ATG10: variants seen among roughly 807,000 people sequenced by gnomAD.
ATG10 encodes the protein autophagy related 10.
Under a neutral mutation model 32.1 loss-of-function variants are expected in ATG10, and 30 were observed. The observed-to-expected ratio is 0.94, with a 90% CI of 0.70 to 1.27. The LOEUF (loss-of-function observed/expected upper bound fraction) is 1.27. Ranked by LOEUF, ATG10 falls within the 50% of genes most tolerant of loss-of-function variation. The pLI is 0.00. For synonymous variants in ATG10, 87 were observed against 91.5 expected, an observed-to-expected ratio of 0.95 and a Z score of 0.28; for missense variants, 233 against 262.3, an observed-to-expected ratio of 0.89 and a Z score of 0.77.
chr5:82,026,629 T>C (rs1762601987), intron 2 of ATG10, among the ~76,000 whole-genome samples: 2 of 152,230 alleles, frequency 1.3e-5, no homozygotes, highest in South Asian at 4.1e-4. Context: ...TAGCCAAAGT[T>C]ACATTCTTGA....
intron 2 of ATG10, among the ~76,000 whole-genome samples, chr5:82,018,390 C>T (rs1762343827): frequency 6.6e-6 from 1 of 152,172 alleles, no homozygotes; most frequent in African/African-American, 2.4e-5. Context: ...TCAACTCTTA[C>T]TAGGATTACC....
At chr5:82,170,233 C>T (rs1268658619) in intron 4 of ATG10, among the ~76,000 whole-genome samples, 1 of 151,994 alleles carries the variant, frequency 6.6e-6, no homozygotes, top group Admixed American at 6.5e-5. Flanking sequence ...ATGGAAAAAA[C>T]ATCTCTTTGC....
At chr5:82,229,490 T>G (rs1472144285) in intron 5 of ATG10, among the ~76,000 whole-genome samples, 1 of 152,236 alleles carries the variant, frequency 6.6e-6, no homozygotes, top group East Asian at 1.9e-4. Context: ...TTGGGCAAGT[T>G]TCATGTCAGT....
intron 3 of ATG10, among the ~76,000 whole-genome samples, chr5:82,159,596 G>T (rs2149893428): frequency 6.6e-6 from 1 of 152,010 alleles, no homozygotes; most frequent in East Asian, 1.9e-4. Flanking sequence ...CCTTAAAGTA[G>T]ATAGAACAGT....
intron 2 of ATG10, among the ~76,000 whole-genome samples, chr5:82,027,640 T>G (rs996907242): frequency 6.6e-6 from 1 of 152,238 alleles, no homozygotes; most frequent in Non-Finnish European, 1.5e-5. Context: ...TTCCTTACAC[T>G]TAAAAAATAC....
At chr5:82,249,173 C>T (rs563927951) in intron 5 of ATG10, among the ~76,000 whole-genome samples, 1 of 151,978 alleles carries the variant, frequency 6.6e-6, no homozygotes, top group Admixed American at 6.5e-5. Flanking sequence ...TTTGAAGTAC[C>T]TAAACTTTTA....
chr5:82,160,356 T>C (rs1412272693), intron 3 of ATG10, among the ~76,000 whole-genome samples: 1 of 152,208 alleles, frequency 6.6e-6, no homozygotes, highest in Non-Finnish European at 1.5e-5. Context: ...TCTCAATTGT[T>C]TGTTCCTTTT....
intron 3 of ATG10, among the ~76,000 whole-genome samples, chr5:82,074,374 C>CT (rs994397645): frequency 3.9e-5 from 6 of 152,022 alleles, no homozygotes; most frequent in Admixed American, 1.3e-4. Context: ...TATAAAACCC[C>CT]TTTTTTCTTT....
At chr5:81,982,450 AAAAAC>A (rs965216647) in intron 1 of ATG10, among the ~76,000 whole-genome samples, 35 of 152,234 alleles carry the variant, frequency 2.3e-4, no homozygotes, top group Non-Finnish European at 3.5e-4. Context: ...TCCGTCTCCA[AAAAAC>A]AAAACAAAAC....
chr5:82,082,074 C>T (rs1764501452), intron 3 of ATG10, among the ~76,000 whole-genome samples: 1 of 152,262 alleles, frequency 6.6e-6, no homozygotes, highest in African/African-American at 2.4e-5. Flanking sequence ...AGACCTGCCT[C>T]CATAATTCAG....
intron 5 of ATG10, among the ~76,000 whole-genome samples, chr5:82,225,617 C>G (rs1360888567): frequency 6.6e-6 from 1 of 152,200 alleles, no homozygotes; most frequent in African/African-American, 2.4e-5. Flanking sequence ...TGTAACAGGG[C>G]TACTGGCTAT....
chr5:82,007,909 T>C lies in ATG10; in HGVS notation c.108+20231T>C, dbSNP rs533693835. On this transcript the variant is annotated intron_variant, in intron 2 of 7. Coordinates refer to ENST00000282185, the MANE Select transcript of ATG10 (RefSeq NM_031482.5). ...ATTAAGTATCCACTTAAAATTTTAA[T>C]CTTTATAAAGACAATATGCTTATAT... Among the ~76,000 whole-genome samples the C allele has an allele frequency of 1.6e-4, 24 of 152,356 alleles. No homozygotes were observed. The South Asian group carries it at 4.1e-3, about 26-fold the overall frequency.
At chr5:82,042,717 A>G (rs1208457537) in intron 2 of ATG10, among the ~76,000 whole-genome samples, 2 of 152,198 alleles carry the variant, frequency 1.3e-5, no homozygotes, top group Non-Finnish European at 2.9e-5. Context: ...TCCCCATGCA[A>G]GTCTGAAACC....
chr5:82,118,434 C>T (rs2149823358), intron 3 of ATG10, among the ~76,000 whole-genome samples: 1 of 84,810 alleles, frequency 1.2e-5, no homozygotes, highest in African/African-American at 5.2e-5. Flanking sequence ...GCACCTGACC[C>T]AGTGTCTGGC....
intron 5 of ATG10, among the ~76,000 whole-genome samples, chr5:82,208,021 A>G (rs1383504172): frequency 6.6e-6 from 1 of 152,194 alleles, no homozygotes; most frequent in East Asian, 1.9e-4. Context: ...GATACAAGTC[A>G]TATTTCATTT....
intron 3 of ATG10, among the ~76,000 whole-genome samples, chr5:82,105,640 G>A (rs1765425455): frequency 6.6e-6 from 1 of 152,060 alleles, no homozygotes; most frequent in African/African-American, 2.4e-5. Context: ...TGAGTCAGAG[G>A]GAGTCTGGGA....
At chr5:82,221,222 T>G (rs558366423) in intron 5 of ATG10, among the ~76,000 whole-genome samples, 2 of 152,216 alleles carry the variant, frequency 1.3e-5, no homozygotes, top group African/African-American at 4.8e-5. Flanking sequence ...TCTGCATTTC[T>G]CTCTTTAGCA....
At chr5:82,110,429 A>G (rs1041736395) in intron 3 of ATG10, among the ~76,000 whole-genome samples, 67 of 152,224 alleles carry the variant, frequency 4.4e-4, no homozygotes, top group African/African-American at 1.5e-3. Context: ...GTGTAAAAGC[A>G]TTCCTATTTC....
chr5:82,066,807 T>C (rs1275986050), intron 3 of ATG10, among the ~76,000 whole-genome samples: 1 of 147,152 alleles, frequency 6.8e-6, no homozygotes, highest in Non-Finnish European at 1.5e-5. Context: ...TGTCAGAATA[T>C]TTTTTTTATA....
Sources: allele counts gnomAD v4.1 joint callset (sites outside exome capture counted in the v4.1 genomes callset), GRCh38; gene constraint gnomAD v4.1.1; transcripts MANE v1.5; gene names NCBI Gene and HGNC (gene_info 2026-07-23, HGNC 2026-07-21).